Variants in MED14 observed in about 807,000 individuals in gnomAD.
MED14 encodes mediator of RNA polymerase II transcription subunit 14.
In MED14, 8 loss-of-function variants were observed where a neutral mutation model predicts 109.0. That is an observed-to-expected ratio of 0.07 (90% confidence interval 0.04 to 0.13). MED14 has a LOEUF of 0.13. Ranked by LOEUF, MED14 falls within the 10% of genes least tolerant of loss-of-function variation. The pLI is 1.00. For synonymous variants in MED14, 399 were observed against 408.7 expected (o/e 0.98, Z 0.29); for missense variants, 711 against 1,142.4 (o/e 0.62, Z 5.44).
At position 40,648,730 on chromosome X, in the gene MED14, C is replaced by T. The variant is rs942552816; in HGVS notation, c.*3076G>A. 1 of 112,368 alleles carries T rather than the reference C, an allele frequency of 8.9e-6. No homozygotes were observed. Among genetic ancestry groups the T allele is most frequent in the Non-Finnish European group, 1.9e-5 (1 of 53,249 alleles). 9.3% of individuals were successfully genotyped at this position (112,368 alleles called of 1,213,427 possible). A position where few individuals can be genotyped will look rare whatever the true frequency, so the allele number is the denominator to read the frequency against. ...TATATTCTTGGGCAAGGTATTTTAA[C>T]AAATCACTGGCCACTTGGAAGTGGA... On this transcript the variant is annotated 3_prime_UTR_variant, in exon 31 of 31. Transcript: ENST00000324817.
At chrX:40,692,098 A>G (rs1930536107) in intron 15 of MED14, 85 bp downstream of exon 15, 2 of 890,324 alleles carry the variant, frequency 2.2e-6, no homozygotes, top group African/African-American at 4.0e-5. Context: ...TGCTTTTCCT[A>G]ATGGAATCTA....
At chrX:40,698,576 A>G (rs1930807280) in intron 12 of MED14, among the ~76,000 whole-genome samples, 2 of 112,444 alleles carry the variant, frequency 1.8e-5, no homozygotes, top group Admixed American at 1.9e-4. Context: ...ATTGGGGCTT[A>G]TATCTTATAC....
chrX:40,718,764 A>G (rs1314632938), intron 3 of MED14, among the ~76,000 whole-genome samples: 1 of 111,417 alleles, frequency 9.0e-6, no homozygotes, highest in Non-Finnish European at 1.9e-5. Flanking sequence ...GCTTGAACCC[A>G]GAAGTTTGAG....
intron 13 of MED14, among the ~76,000 whole-genome samples, chrX:40,693,372 G>A (rs1046125390): frequency 9.0e-6 from 1 of 111,111 alleles, no homozygotes; most frequent in Non-Finnish European, 1.9e-5. Context: ...TGATGTTCTT[G>A]TAATAGTGAA....
At chrX:40,719,747 A>G (rs1569297419) in intron 3 of MED14, among the ~76,000 whole-genome samples, 1 of 112,209 alleles carries the variant, frequency 8.9e-6, no homozygotes, top group African/African-American at 3.2e-5. Flanking sequence ...TGTGAATATA[A>G]CAAAAACCAC....
chrX:40,671,987 A>G lies in MED14; in HGVS notation c.3022-15T>C, dbSNP rs747701911. 1 of 1,126,327 alleles carries G rather than the reference A, an allele frequency of 8.9e-7. No individual in the cohort carries two copies. Among genetic ancestry groups the G allele is most frequent in the Non-Finnish European group, 1.2e-6 (1 of 822,158 alleles). The allele number at this position is 1,126,327 out of a possible 1,213,427, so 92.8% of individuals were successfully genotyped here. ...TTTGGAAATGGCTGAAAAGAAGAAA[A>G]TTAAATGTTGGTAAAATGGCCAACC... On this transcript the variant is annotated splice_polypyrimidine_tract_variant and intron_variant, in intron 22 of 30. Transcript: ENST00000324817.
intron 23 of MED14, among the ~76,000 whole-genome samples, chrX:40,667,581 GA>G: frequency 8.9e-6 from 1 of 111,990 alleles, no homozygotes; most frequent in Admixed American, 9.4e-5. Flanking sequence ...ATCACATGGG[GA>G]CTTGTGGGCC....
At chrX:40,658,351 C>G (rs1050934281) in intron 28 of MED14, among the ~76,000 whole-genome samples, 15 of 111,378 alleles carry the variant, frequency 1.3e-4, no homozygotes, top group Non-Finnish European at 5.7e-5. Flanking sequence ...CTCAGCCCCC[C>G]AAAGTACTAG....
rs1273434984 is a variant in MED14 at position 40,651,301 on chromosome X, A to C, written c.*505T>G. 1 of 752,317 alleles carries C rather than the reference A, an allele frequency of 1.3e-6. No homozygotes were observed. Among genetic ancestry groups the C allele is most frequent in the Non-Finnish European group, 1.6e-6 (1 of 638,588 alleles). 62.0% of individuals were successfully genotyped at this position (752,317 alleles called of 1,213,427 possible). A position where few individuals can be genotyped will look rare whatever the true frequency, so the allele number is the denominator to read the frequency against. On this transcript the variant is annotated 3_prime_UTR_variant, in exon 31 of 31. Transcript: ENST00000324817. ...TTTGTTTTTGACCTAGTTTTATTAA[A>C]TATTGCTTCCTTGGGGTGTGTTTAT...
intron 13 of MED14, among the ~76,000 whole-genome samples, chrX:40,696,671 G>A (rs1159966485): frequency 1.8e-5 from 2 of 111,694 alleles, no homozygotes; most frequent in South Asian, 3.7e-4. Flanking sequence ...ATATTTGAAA[G>A]GTTTCACTAT....
rs758500715 is a variant in MED14, at chrX:40,654,373, G to A, written c.4282C>T (p.Pro1428Ser). ...TCTACTGGTCATGTACCTTGTCGTGGTGGATTCATCTCTGCAAACCTCTTC... is the reference window on the plus strand; with the variant it reads ...TCTACTGGTCATGTACCTTGTCGTGATGGATTCATCTCTGCAAACCTCTTC... The part of the protein sequence containing the change: ...ILKRFAEMNP[P>S]RQGECTIFAA... The change falls in exon 30 of 31, where the codon CCA (proline) becomes TCA (serine). Residue 1428 changes from proline (P) to serine (S), a missense_variant. Transcript: ENST00000324817. The A allele has an allele frequency of 1.7e-6, 2 of 1,210,854 alleles. No homozygotes were observed. The highest frequency in any genetic ancestry group is 1.8e-5 in the South Asian group (1 of 56,957).
intron 15 of MED14, among the ~76,000 whole-genome samples, chrX:40,691,654 C>T (rs1003099390): frequency 2.9e-4 from 24 of 83,407 alleles, no homozygotes; most frequent in African/African-American, 9.5e-4. Context: ...CTTTGTTGCC[C>T]AGGCTGGAGT....
At chrX:40,673,523 C>G (rs1393134377) in intron 22 of MED14, among the ~76,000 whole-genome samples, 1 of 111,791 alleles carries the variant, frequency 8.9e-6, no homozygotes, top group Admixed American at 9.5e-5. Flanking sequence ...TTGCTCTTAG[C>G]CAAATCAGAA....
chrX:40,702,103 A>C (rs989601984), intron 11 of MED14, among the ~76,000 whole-genome samples: 8 of 111,878 alleles, frequency 7.2e-5, no homozygotes, highest in African/African-American at 2.6e-4. Context: ...CCTTCATCAG[A>C]AATCAACCAT....
chrX:40,684,839 G>A (rs1276896583), intron 16 of MED14, among the ~76,000 whole-genome samples: 1 of 112,021 alleles, frequency 8.9e-6, no homozygotes, highest in South Asian at 3.7e-4. Context: ...TAGGGACAGC[G>A]GAACCCTGAA....
chrX:40,720,236 AGTACTT>A (rs1446899927), intron 3 of MED14, among the ~76,000 whole-genome samples: 19 of 112,626 alleles, frequency 1.7e-4, no homozygotes, highest in African/African-American at 5.8e-4. Context: ...GAGCAATCAC[AGTACTT>A]GGTTTTAACT....
At chrX:40,712,829 A>T in intron 6 of MED14, 85 bp downstream of exon 6, 1 of 945,602 alleles carries the variant, frequency 1.1e-6, no homozygotes, top group South Asian at 3.3e-5. Context: ...ATGAGCCATC[A>T]TCCCCAGCCG....
rs1198302496 is a variant in MED14 at position 40,654,655 on chromosome X, A to G, written c.4099-99T>C. On this transcript the variant is annotated intron_variant, in intron 29 of 30. Coordinates refer to ENST00000324817, the MANE Select transcript of MED14 (RefSeq NM_004229.4). ...TCATTTACTGTACTTTCAGATTAAG[A>G]TAAGCAAGCAAAAGAAAATTACACA... is the stretch of plus-strand genomic sequence containing the variant. 3.3e-6 allele frequency: 3 copies of G among 909,574 alleles called. No homozygotes were observed. The East Asian group carries it at 9.9e-5, about 30-fold the overall frequency. 75.0% of individuals were successfully genotyped at this position (909,574 alleles called of 1,213,427 possible).
At chrX:40,700,383 AAAAAAAAAAT>A (rs1240965161) in intron 12 of MED14, among the ~76,000 whole-genome samples, 1 of 100,796 alleles carries the variant, frequency 9.9e-6, no homozygotes, top group Non-Finnish European at 2.0e-5. Context: ...AAAAAAAAAA[AAAAAAAAAAT>A]TCATGCCCTG....
Sources: gnomAD v4.1 joint callset for allele counts (sites outside exome capture counted in the v4.1 genomes callset) on GRCh38, gnomAD v4.1.1 for gene constraint, MANE v1.5 for transcripts, NCBI Gene and HGNC (gene_info 2026-07-23, HGNC 2026-07-21) for gene names.